Variants in HEATR5B observed in about 807,000 individuals in gnomAD.
The protein encoded by HEATR5B is HEAT repeat-containing protein 5B.
Under a neutral mutation model 224.1 loss-of-function variants are expected in HEATR5B, and 156 were observed. The ratio of observed to expected loss-of-function variants is 0.70; its 90% confidence interval spans 0.61 to 0.80. HEATR5B has a LOEUF of 0.80. Among genes scored for constraint, HEATR5B ranks in the 30% least tolerant of loss-of-function variants. The probability of loss-of-function intolerance (pLI) is 0.00; values close to 1 mark genes in which losing one functional copy is unlikely to be tolerated. For synonymous variants in HEATR5B, 1,027 were observed against 893.0 expected (o/e 1.15, Z -2.68); for missense variants, 2,323 against 2,535.5 (o/e 0.92, Z 1.80).
At chr2:37,004,361 G>A (rs929719578) in intron 30 of HEATR5B, among the ~76,000 whole-genome samples, 13 of 149,754 alleles carry the variant, frequency 8.7e-5, no homozygotes, top group African/African-American at 2.5e-4. Flanking sequence ...ATCATATCTC[G>A]TATGTTTTCA....
chr2:37,031,241 T>C (rs1669110103), intron 22 of HEATR5B, among the ~76,000 whole-genome samples: 1 of 152,166 alleles, frequency 6.6e-6, no homozygotes, highest in Non-Finnish European at 1.5e-5. Context: ...AAAATGCCTA[T>C]ACACTGAGTC....
chr2:37,002,387 G>C lies in HEATR5B; in HGVS notation c.5236C>G (p.Arg1746Gly). The part of the protein sequence containing the change: ...DSPSHIATKT[R>G]LSEESARLVA... ...AAACGAGCACTTTCTTCTGATAGTC[G>C]AGTTTTAGTGGCTATGTGACTTGGA... Residue 1746 changes from arginine to glycine, a missense_variant, in exon 32 of 36, where the codon CGA becomes GGA. Physicochemically the swap from Arg to Gly is moderately radical, Grantham distance 125. Around this residue, in one of 12 missense-constraint regions of HEATR5B, gnomAD observed 844 missense variants for 812.9 expected, o/e 1.04. Transcript: ENST00000233099. 1.2e-6 allele frequency: 2 copies of C among 1,614,138 alleles called. No homozygotes were observed. Among genetic ancestry groups the C allele is most frequent in the Non-Finnish European group, 1.7e-6 (2 of 1,179,994 alleles).
chr2:37,033,187 T>G (rs77437380), intron 21 of HEATR5B, among the ~76,000 whole-genome samples: 1 of 152,234 alleles, frequency 6.6e-6, no homozygotes, highest in East Asian at 1.9e-4. Flanking sequence ...CCCTAATGAA[T>G]ATATATTAAC....
chr2:37,010,060 G>C (rs1198284276), intron 27 of HEATR5B, among the ~76,000 whole-genome samples: 1 of 152,044 alleles, frequency 6.6e-6, no homozygotes, highest in Non-Finnish European at 1.5e-5. Context: ...AGACATAAAA[G>C]CAACTTTCCT....
At chr2:37,054,056 G>A (rs1670729320) in intron 16 of HEATR5B, among the ~76,000 whole-genome samples, 1 of 150,768 alleles carries the variant, frequency 6.6e-6, no homozygotes, top group African/African-American at 2.4e-5. Flanking sequence ...AAGCTTTTGG[G>A]AAAGTTCAAA....
At chr2:37,001,273 AAAG>A (rs1667071150) in intron 32 of HEATR5B, among the ~76,000 whole-genome samples, 1 of 152,182 alleles carries the variant, frequency 6.6e-6, no homozygotes, top group Non-Finnish European at 1.5e-5. Flanking sequence ...TGGGGCAAGG[AAAG>A]AAGAAATGAA....
rs141847176 is a variant in HEATR5B at position 37,045,685 on chromosome 2, T to C, written c.2696+3968A>G. The stretch of plus-strand genomic sequence containing the variant: ...TCATAGCTCTCTCCCTGTGCAGCTC[T>C]CTCCTCTCTGTTATTCCACCCTACA... On this transcript the variant is annotated intron_variant, in intron 18 of 35. Coordinates refer to ENST00000233099, the MANE Select transcript of HEATR5B (RefSeq NM_019024.3). Among the ~76,000 whole-genome samples, 54 of 152,318 alleles carry C rather than the reference T, an allele frequency of 3.5e-4. 1 individual carries two copies. The highest frequency in any genetic ancestry group is 1.3e-3 in the African/African-American group (52 of 41,574).
intron 30 of HEATR5B, among the ~76,000 whole-genome samples, chr2:37,004,623 T>C (rs184847655): frequency 6.6e-5 from 10 of 152,152 alleles, no homozygotes; most frequent in Admixed American, 5.9e-4. Flanking sequence ...AGGTCACCAA[T>C]AGCCTCCTCT....
intron 18 of HEATR5B, among the ~76,000 whole-genome samples, chr2:37,047,181 A>AT (rs1321692366): frequency 7.2e-5 from 11 of 151,936 alleles, no homozygotes; most frequent in African/African-American, 2.4e-4. Flanking sequence ...CCATCTCAAA[A>AT]AAAAAAAATA....
chr2:36,995,279 C>T (rs576248519), intron 33 of HEATR5B, among the ~76,000 whole-genome samples: 4 of 151,940 alleles, frequency 2.6e-5, no homozygotes, highest in South Asian at 2.1e-4. Flanking sequence ...TTAGTAGAGA[C>T]GGGTTTTCAC....
chr2:36,994,546 A>G (rs1666556924), intron 33 of HEATR5B, among the ~76,000 whole-genome samples: 1 of 152,146 alleles, frequency 6.6e-6, no homozygotes, highest in Admixed American at 6.6e-5. Flanking sequence ...TTTGATCCCT[A>G]CTTCATAACT....
intron 21 of HEATR5B, among the ~76,000 whole-genome samples, chr2:37,037,159 TTTTGG>T (rs1669545191): frequency 7.2e-6 from 1 of 139,322 alleles, no homozygotes; most frequent in Non-Finnish European, 1.6e-5. Flanking sequence ...TATATATATA[TTTTGG>T]AGATGGAGTC....
rs1666270063 is a variant in HEATR5B, at chr2:36,990,715, C to T, written c.5630G>A (p.Gly1877Glu). 6.2e-7 allele frequency: 1 copy of T among 1,611,560 alleles called. No individual in the cohort carries two copies. Among genetic ancestry groups the T allele is most frequent in the Non-Finnish European group, 8.5e-7 (1 of 1,178,490 alleles). The change falls in exon 34 of 36, where the codon GGA becomes GAA. Residue 1877 changes from glycine to glutamate, a missense_variant. Physicochemically the swap from Gly to Glu is moderately conservative, Grantham distance 98. Coordinates refer to ENST00000233099, the MANE Select transcript of HEATR5B (RefSeq NM_019024.3). ...GCAGCCATTCTGTAATGACTGGACT[C>T]CTATTATTTCATTACTAGCAGACCA... ...FLWSASNEII[G>E]VQSLQNGCMN...
At chr2:37,032,930 G>C (rs984041504) in intron 21 of HEATR5B, among the ~76,000 whole-genome samples, 157 bp from the exon 22 acceptor site, 1 of 151,314 alleles carries the variant, frequency 6.6e-6, no homozygotes, top group African/African-American at 2.4e-5. Flanking sequence ...GCCCAGGCTG[G>C]AGCGCAGTGG....
At chr2:37,005,856 C>T (rs2148389291) in intron 29 of HEATR5B, 97 bp from the exon 30 acceptor site, 1 of 938,254 alleles carries the variant, frequency 1.1e-6, no homozygotes, top group East Asian at 2.8e-5. Context: ...TTACAGATTA[C>T]CTTAACATGT....
intron 26 of HEATR5B, among the ~76,000 whole-genome samples, chr2:37,015,658 G>C (rs933718830): frequency 6.6e-6 from 1 of 152,142 alleles, no homozygotes; most frequent in Non-Finnish European, 1.5e-5. Context: ...GGGAAACAAA[G>C]GAAACTAAGT....
In HEATR5B at chr2:37,070,253, C is replaced by T; in HGVS notation, c.904G>A (p.Glu302Lys). 1 of 1,614,148 alleles carries T rather than the reference C, an allele frequency of 6.2e-7. No individual in the cohort carries two copies. Among genetic ancestry groups the T allele is most frequent in the South Asian group, 1.1e-5 (1 of 91,084 alleles). Residue 302 changes from glutamate (E) to lysine (K), a missense_variant, in exon 7 of 36, where the codon GAA becomes AAA. By Grantham distance (56) the Glu-to-Lys change is moderately conservative (BLOSUM62 1). Around this residue, in one of 12 missense-constraint regions of HEATR5B, gnomAD observed 502 missense variants for 517.8 expected, o/e 0.97. Transcript: ENST00000233099. Reference sequence around the variant, plus strand: ...ACCTGCGTAACTCCAACTCTCACTTCACGATTAACGGACCCTCCAACTTTT... The same window carrying T: ...ACCTGCGTAACTCCAACTCTCACTTTACGATTAACGGACCCTCCAACTTTT... The part of the protein sequence containing the change: ...MLKVGGSVNR[E>K]VRVGVTQAYV...
rs140310043 is a variant in HEATR5B at position 37,008,765 on chromosome 2, G to T, written c.4368C>A (p.Asp1456Glu). 3.7e-6 allele frequency: 6 copies of T among 1,613,940 alleles called. 1 individual carries two copies. In the South Asian group the frequency reaches 6.6e-5, roughly 18 times the overall value. Reference sequence around the variant, plus strand: ...GCAGTTCATCGATGGTACCACAGTCGTCATCATCATCGTCAGTATTTTTAA... The same window carrying T: ...GCAGTTCATCGATGGTACCACAGTCTTCATCATCATCGTCAGTATTTTTAA... ...RAIKNTDDDD[D>E]DCGTIDELPP... Residue 1456 changes from aspartate to glutamate, a missense_variant, in exon 28 of 36, where the codon GAC (aspartate) becomes GAA (glutamate). By Grantham distance (45) the Asp-to-Glu change is conservative. Coordinates refer to ENST00000233099, the MANE Select transcript of HEATR5B (RefSeq NM_019024.3).
At chr2:37,048,828 G>A (rs1176667667) in intron 18 of HEATR5B, among the ~76,000 whole-genome samples, 1 of 152,098 alleles carries the variant, frequency 6.6e-6, no homozygotes, top group African/African-American at 2.4e-5. Flanking sequence ...CCATTTACAA[G>A]TCAAGACAAG....
Sources: gnomAD v4.1 joint callset for allele counts (sites outside exome capture counted in the v4.1 genomes callset) on GRCh38, gnomAD v4.1.1 for gene constraint, gnomAD v4.1.1 regional missense constraint, MANE v1.5 for transcripts, NCBI Gene and HGNC (gene_info 2026-07-23, HGNC 2026-07-21) for gene names.